Variants in COL11A1 observed in about 807,000 individuals in gnomAD.
COL11A1 encodes collagen alpha-1(XI) chain.
COL11A1 carries 74 observed loss-of-function variants against 265.2 expected under a neutral mutation model. That is an observed-to-expected ratio of 0.28 (90% CI 0.23 to 0.34). COL11A1 has a LOEUF of 0.34. COL11A1 is among the 10% of genes least tolerant of loss of function. COL11A1 has a pLI of 1.00. For synonymous variants in COL11A1, 816 were observed against 727.6 expected (o/e 1.12, Z -1.96); for missense variants, 2,165 against 2,263.6 (o/e 0.96, Z 0.88).
At chr1:103,098,600 AT>A (rs1558054548) in intron 1 of COL11A1, among the ~76,000 whole-genome samples, 2 of 151,808 alleles carry the variant, frequency 1.3e-5, no homozygotes, top group African/African-American at 4.8e-5. Flanking sequence ...CTGGCTATCT[AT>A]TTTCCTCTAG....
At chr1:103,034,094 A>G (rs1206677039) in intron 4 of COL11A1, among the ~76,000 whole-genome samples, 1 of 152,078 alleles carries the variant, frequency 6.6e-6, no homozygotes, top group Non-Finnish European at 1.5e-5. Context: ...AATCCTTTAT[A>G]TGTTATCAGT....
intron 4 of COL11A1, among the ~76,000 whole-genome samples, chr1:103,043,119 A>ACAT (rs1346478924): frequency 6.8e-6 from 1 of 146,690 alleles, no homozygotes; most frequent in Non-Finnish European, 1.5e-5. Context: ...TACCTGAAAT[A>ACAT]CATCATATAT....
chr1:102,912,406 G>T (rs1654796571), intron 53 of COL11A1, among the ~76,000 whole-genome samples, 194 bp from the exon 54 acceptor site: 1 of 151,928 alleles, frequency 6.6e-6, no homozygotes, highest in South Asian at 2.1e-4. Context: ...AAATTTAGAT[G>T]GTAAAATTAT....
intron 63 of COL11A1, among the ~76,000 whole-genome samples, chr1:102,885,012 A>C (rs561018138): frequency 3.3e-5 from 5 of 152,266 alleles, no homozygotes; most frequent in South Asian, 4.1e-4. Flanking sequence ...GGGAGGATGG[A>C]ATACTACAAC....
chr1:103,043,120 C>T (rs1668956880), intron 4 of COL11A1, among the ~76,000 whole-genome samples: 2 of 143,850 alleles, frequency 1.4e-5, no homozygotes, highest in Admixed American at 7.1e-5. Flanking sequence ...ACCTGAAATA[C>T]ATCATATATA....
chr1:103,106,702 C>T (rs1254188919), intron 1 of COL11A1, among the ~76,000 whole-genome samples: 1 of 152,164 alleles, frequency 6.6e-6, no homozygotes, highest in East Asian at 1.9e-4. Flanking sequence ...CCTAATAGGA[C>T]TTTCACTGTA....
intron 57 of COL11A1, 42 bp downstream of exon 57, chr1:102,898,083 A>G (rs939210964): frequency 1.6e-5 from 22 of 1,377,676 alleles, no homozygotes; most frequent in Non-Finnish European, 2.2e-5. Flanking sequence ...ATTTTGTTTT[A>G]GAAATTCTCA....
intron 36 of COL11A1, among the ~76,000 whole-genome samples, chr1:102,972,193 G>A (rs796893625): frequency 6.6e-6 from 1 of 152,144 alleles, no homozygotes; most frequent in Admixed American, 6.5e-5. Context: ...GAGGATGACA[G>A]CTGAAGGATA....
intron 1 of COL11A1, among the ~76,000 whole-genome samples, chr1:103,083,206 G>C (rs1672558663): frequency 6.7e-6 from 1 of 149,832 alleles, no homozygotes; most frequent in Admixed American, 6.7e-5. Context: ...TTATGGTTAA[G>C]CAACACAGAA....
intron 46 of COL11A1, among the ~76,000 whole-genome samples, chr1:102,924,632 A>T (rs1656380564): frequency 1.3e-5 from 2 of 152,212 alleles, no homozygotes; most frequent in Admixed American, 1.3e-4. Flanking sequence ...AACTCTAAGA[A>T]AATAAACTAA....
chr1:103,043,819 A>G (rs1195592643), intron 4 of COL11A1, among the ~76,000 whole-genome samples: 2 of 152,132 alleles, frequency 1.3e-5, no homozygotes, highest in East Asian at 3.9e-4. Flanking sequence ...ATTATTCTAT[A>G]AATCAAACAC....
At chr1:103,023,234 CA>C (rs1223421180) in intron 7 of COL11A1, among the ~76,000 whole-genome samples, 1 of 152,072 alleles carries the variant, frequency 6.6e-6, no homozygotes, top group East Asian at 1.9e-4. Flanking sequence ...TGCAAATATT[CA>C]CATGGAATTA....
chr1:103,093,590 C>A (rs190964378), intron 1 of COL11A1, among the ~76,000 whole-genome samples: 3 of 152,120 alleles, frequency 2.0e-5, no homozygotes, highest in African/African-American at 7.2e-5. Context: ...TAACCCCAAG[C>A]CTTGAAGGGA....
intron 36 of COL11A1, among the ~76,000 whole-genome samples, chr1:102,973,425 C>A (rs1662165332): frequency 6.6e-6 from 1 of 151,990 alleles, no homozygotes; most frequent in African/African-American, 2.4e-5. Context: ...GACAATGAAA[C>A]AATATTACAT....
intron 44 of COL11A1, among the ~76,000 whole-genome samples, chr1:102,935,459 G>A (rs1189047310): frequency 6.6e-6 from 1 of 152,136 alleles, no homozygotes; most frequent in Non-Finnish European, 1.5e-5. Context: ...AGATAAATAT[G>A]ATTAGGAAAG....
At chr1:103,064,653 T>C (rs1018005547) in intron 4 of COL11A1, among the ~76,000 whole-genome samples, 1 of 139,986 alleles carries the variant, frequency 7.1e-6, no homozygotes, top group Non-Finnish European at 1.5e-5. Flanking sequence ...GTTGCGCCAC[T>C]GCACTCAGCC....
intron 35 of COL11A1, among the ~76,000 whole-genome samples, chr1:102,976,588 C>T (rs558512169): frequency 4.0e-4 from 61 of 152,092 alleles, no homozygotes; most frequent in African/African-American, 1.3e-3. Context: ...TGTGAGCCAT[C>T]GCGCCTGGCT....
intron 41 of COL11A1, among the ~76,000 whole-genome samples, chr1:102,960,660 T>C (rs1660813658): frequency 1.3e-5 from 2 of 151,878 alleles, no homozygotes; most frequent in Admixed American, 1.3e-4. Flanking sequence ...TATACTCTTC[T>C]CAAAATAGAA....
chr1:102,930,436 T>C (rs76356963), intron 46 of COL11A1, among the ~76,000 whole-genome samples: 127,353 of 151,472 alleles, frequency 0.84, 54,903 homozygotes, highest in East Asian at 0.99. Context: ...ATCCCAGGGA[T>C]GAAGCCCACT....
Sources: allele counts gnomAD v4.1 joint callset (sites outside exome capture counted in the v4.1 genomes callset), GRCh38; gene constraint gnomAD v4.1.1; transcripts MANE v1.5; gene names NCBI Gene and HGNC (gene_info 2026-07-23, HGNC 2026-07-21).